The following CDH12 variants were observed in gnomAD, a reference collection of about 807,000 sequenced individuals.
The protein encoded by CDH12 is cadherin-12.
A neutral mutation model predicts 74.1 loss-of-function variants in CDH12; 41 were observed. That is an observed-to-expected ratio of 0.55 (90% CI 0.43 to 0.72). CDH12 has a LOEUF of 0.72. Among genes scored for constraint, CDH12 ranks in the 30% least tolerant of loss-of-function variants. CDH12 has a pLI of 0.00. For missense variants in CDH12, 945 were observed against 977.2 expected, an observed-to-expected ratio of 0.97 and a Z score of 0.44; for synonymous variants, 399 against 355.0, an observed-to-expected ratio of 1.12 and a Z score of -1.39.
intron 1 of CDH12, among the ~76,000 whole-genome samples, chr5:22,582,948 G>T (rs1221552395): frequency 6.6e-6 from 1 of 152,018 alleles, no homozygotes; most frequent in Non-Finnish European, 1.5e-5. Context: ...CTCTATTCAG[G>T]CAATGAAACC....
At chr5:22,075,852 C>T (rs1156596539) in intron 5 of CDH12, among the ~76,000 whole-genome samples, 3 of 152,158 alleles carry the variant, frequency 2.0e-5, no homozygotes, top group South Asian at 2.1e-4. Context: ...TTTTCCTTTG[C>T]TCTGAGTTCT....
chr5:21,880,683 C>CTT (rs1314070339), intron 6 of CDH12, among the ~76,000 whole-genome samples: 2 of 107,672 alleles, frequency 1.9e-5, no homozygotes, highest in African/African-American at 6.6e-5. Context: ...TTCTTTCTTT[C>CTT]TTTCTTTCTC....
At chr5:22,179,204 T>C (rs1749502841) in intron 4 of CDH12, among the ~76,000 whole-genome samples, 1 of 152,198 alleles carries the variant, frequency 6.6e-6, no homozygotes, top group African/African-American at 2.4e-5. Flanking sequence ...AATTCATCTA[T>C]GTACATGGAC....
chr5:22,484,822 C>A (rs548587003), intron 2 of CDH12, among the ~76,000 whole-genome samples: 1 of 152,194 alleles, frequency 6.6e-6, no homozygotes, highest in Admixed American at 6.5e-5. Flanking sequence ...ATACATATTT[C>A]TCCTATTTTG....
At chr5:22,646,128 T>C (rs1465200301) in intron 1 of CDH12, among the ~76,000 whole-genome samples, 4 of 151,840 alleles carry the variant, frequency 2.6e-5, no homozygotes, top group African/African-American at 9.7e-5. Flanking sequence ...AAAAGACACA[T>C]TTTGGGACAA....
At chr5:21,882,961 C>A in intron 6 of CDH12, 1 of 1,597,970 alleles carries the variant, frequency 6.3e-7, no homozygotes, top group Non-Finnish European at 8.6e-7. Context: ...GGCTCTATAG[C>A]CAAGGAAGGC....
intron 4 of CDH12, among the ~76,000 whole-genome samples, chr5:22,111,357 A>C (rs1744805831): frequency 6.6e-6 from 1 of 152,208 alleles, no homozygotes; most frequent in Non-Finnish European, 1.5e-5. Context: ...ATAAAAATTT[A>C]GGTAAGAAGA....
intron 9 of CDH12, among the ~76,000 whole-genome samples, chr5:21,809,430 T>C (rs1377519069): frequency 6.6e-6 from 1 of 152,144 alleles, no homozygotes; most frequent in Admixed American, 6.6e-5. Context: ...GTATAAATCA[T>C]GACTATTGGG....
At chr5:21,833,018 A>C (rs1204381671) in intron 8 of CDH12, among the ~76,000 whole-genome samples, 1 of 49,606 alleles carries the variant, frequency 2.0e-5, no homozygotes, top group Admixed American at 3.6e-4. Flanking sequence ...ATAATATATG[A>C]TATAATATAT....
At chr5:22,253,173 G>A (rs1009352788) in intron 3 of CDH12, among the ~76,000 whole-genome samples, 4 of 151,644 alleles carry the variant, frequency 2.6e-5, no homozygotes, top group African/African-American at 7.3e-5. Flanking sequence ...ATACTAATGT[G>A]AGAATATTTC....
chr5:22,059,285 A>G (rs1191655181), intron 5 of CDH12, among the ~76,000 whole-genome samples: 1 of 150,744 alleles, frequency 6.6e-6, no homozygotes, highest in Non-Finnish European at 1.5e-5. Context: ...CTATCTATCT[A>G]TCTATCTATC....
chr5:22,296,224 A>T (rs538286546), intron 3 of CDH12, among the ~76,000 whole-genome samples: 2 of 152,042 alleles, frequency 1.3e-5, no homozygotes, highest in Admixed American at 6.6e-5. Context: ...TAGCAGTAGG[A>T]AAATGTCAAA....
At chr5:22,455,850 G>A (rs1225647103) in intron 2 of CDH12, among the ~76,000 whole-genome samples, 1 of 152,094 alleles carries the variant, frequency 6.6e-6, no homozygotes, top group Non-Finnish European at 1.5e-5. Flanking sequence ...ACCAAGTGAA[G>A]AAAGAGATTT....
intron 5 of CDH12, among the ~76,000 whole-genome samples, chr5:22,075,181 A>G (rs1013354749): frequency 6.6e-6 from 1 of 151,820 alleles, no homozygotes; most frequent in Non-Finnish European, 1.5e-5. Context: ...GAAGCTGGAA[A>G]CCATCATTCT....
chr5:22,048,419 T>A (rs188219182), intron 5 of CDH12, among the ~76,000 whole-genome samples: 185 of 152,290 alleles, frequency 1.2e-3, no homozygotes, highest in African/African-American at 4.3e-3. Context: ...AAATTCCGTC[T>A]TTTTTTGTTG....
At chr5:22,487,167 T>A (rs915778568) in intron 2 of CDH12, among the ~76,000 whole-genome samples, 1 of 152,054 alleles carries the variant, frequency 6.6e-6, no homozygotes, top group East Asian at 1.9e-4. Context: ...CACGCCCCAC[T>A]AATTTTTGTA....
chr5:21,818,842 A>C (rs1579762884), intron 8 of CDH12, among the ~76,000 whole-genome samples: 2 of 151,974 alleles, frequency 1.3e-5, no homozygotes, highest in African/African-American at 2.4e-5. Flanking sequence ...AACAACAAAA[A>C]ACTCCTTCCA....
chr5:22,472,186 CTTA>C (rs976813907), intron 2 of CDH12, among the ~76,000 whole-genome samples: 24 of 152,136 alleles, frequency 1.6e-4, no homozygotes, highest in Admixed American at 1.4e-3. Context: ...TTAAAAAATT[CTTA>C]TTAAGTCAGA....
intron 3 of CDH12, among the ~76,000 whole-genome samples, chr5:22,400,138 C>T (rs920219588): frequency 1.3e-5 from 2 of 152,150 alleles, no homozygotes; most frequent in African/African-American, 2.4e-5. Context: ...CTCTGATTTG[C>T]ATTCTTAGTG....
Sources: gnomAD v4.1 joint callset for allele counts (sites outside exome capture counted in the v4.1 genomes callset) on GRCh38, gnomAD v4.1.1 for gene constraint, MANE v1.5 for transcripts, NCBI Gene and HGNC (gene_info 2026-07-23, HGNC 2026-07-21) for gene names.